The following ITGA9 variants were observed in gnomAD, a reference collection of about 807,000 sequenced individuals.
ITGA9 encodes integrin alpha-9.
A neutral mutation model predicts 127.8 loss-of-function variants in ITGA9; 56 were observed. The ratio of observed to expected loss-of-function variants is 0.44; its 90% CI spans 0.35 to 0.55. The LOEUF (loss-of-function observed/expected upper bound fraction) is 0.55. Ranked by LOEUF, ITGA9 falls within the 20% of genes least tolerant of loss-of-function variation. ITGA9 has a pLI of 0.00. For synonymous variants in ITGA9, 508 were observed against 514.5 expected (o/e 0.99, Z 0.17); for missense variants, 1,196 against 1,347.1 (o/e 0.89, Z 1.76).
intron 23 of ITGA9, among the ~76,000 whole-genome samples, chr3:37,767,067 T>C (rs1262642423): frequency 6.6e-6 from 1 of 152,214 alleles, no homozygotes; most frequent in Non-Finnish European, 1.5e-5. Context: ...CTCTTGACTT[T>C]CCAGCATGTT....
At chr3:37,700,327 C>T (rs17036802) in intron 18 of ITGA9, among the ~76,000 whole-genome samples, 25,417 of 151,724 alleles carry the variant, frequency 0.17, 2,551 homozygotes, top group African/African-American at 0.27. Context: ...GTCCTCCTAC[C>T]GGAATTAGGT....
At chr3:37,632,018 T>G (rs1051981711) in intron 16 of ITGA9, among the ~76,000 whole-genome samples, 19 of 152,134 alleles carry the variant, frequency 1.2e-4, no homozygotes, top group African/African-American at 4.6e-4. Context: ...CCCAAACACT[T>G]TCACAGATTT....
chr3:37,818,684 T>A, intron 27 of ITGA9: 1 of 611,170 alleles, frequency 1.6e-6, no homozygotes. Context: ...GCTTACGTAA[T>A]ATCACCCGCA....
chr3:37,630,278 C>T (rs940341655), intron 16 of ITGA9, among the ~76,000 whole-genome samples: 2 of 152,202 alleles, frequency 1.3e-5, no homozygotes, highest in Middle Eastern at 3.4e-3. Flanking sequence ...ACCAAGGCAT[C>T]GCATTATCTC....
In ITGA9 at chr3:37,544,915, G is replaced by T. The variant is rs1419705413; in HGVS notation, c.1689+2330G>T. ...ATAACCATGAGAATGTTTATTTCTG[G>T]CAGTTACTGTCTGGGCTGTAGCAGA... On this transcript the variant is annotated intron_variant, in intron 15 of 27. Coordinates refer to ENST00000264741, the MANE Select transcript of ITGA9 (RefSeq NM_002207.3). Among the ~76,000 whole-genome samples, 3 of 152,206 alleles carry T rather than the reference G, an allele frequency of 2.0e-5. No homozygotes were observed. In the East Asian group the frequency reaches 5.8e-4, roughly 29 times the overall value.
At chr3:37,615,093 G>T (rs1399703117) in intron 15 of ITGA9, among the ~76,000 whole-genome samples, 2 of 152,284 alleles carry the variant, frequency 1.3e-5, no homozygotes, top group East Asian at 1.9e-4. Flanking sequence ...TATGATATTG[G>T]CTGTGCGTTT....
chr3:37,523,483 C>A (rs775576957), intron 11 of ITGA9, 38 bp from the exon 12 acceptor site: 2 of 1,504,886 alleles, frequency 1.3e-6, no homozygotes. Flanking sequence ...TGACTGTGGT[C>A]TTTTCCTGTG....
chr3:37,621,439 G>C (rs553856242), intron 15 of ITGA9, among the ~76,000 whole-genome samples: 69 of 152,290 alleles, frequency 4.5e-4, no homozygotes, highest in African/African-American at 1.5e-3. Context: ...CTGGATGCCG[G>C]TACCTGGCCA....
chr3:37,556,852 T>G (rs1401307795), intron 15 of ITGA9, among the ~76,000 whole-genome samples: 1 of 152,176 alleles, frequency 6.6e-6, no homozygotes, highest in Admixed American at 6.5e-5. Context: ...ATCAACAACG[T>G]GGGGCCAGGC....
intron 18 of ITGA9, among the ~76,000 whole-genome samples, chr3:37,694,960 G>A (rs529846623): frequency 2.0e-5 from 3 of 152,320 alleles, no homozygotes; most frequent in East Asian, 1.9e-4. Flanking sequence ...ATGTGTTTCC[G>A]GGGGAAGACA....
intron 19 of ITGA9, among the ~76,000 whole-genome samples, chr3:37,735,412 A>G (rs1275295317): frequency 3.3e-5 from 5 of 152,150 alleles, no homozygotes; most frequent in African/African-American, 1.2e-4. Context: ...ACTGTAGATG[A>G]TGGTCCATTG....
Position 37,743,995 on chromosome 3 carries a change from C to G in ITGA9, c.2394C>G (p.Asp798Glu), listed in dbSNP as rs1382773149. 1 of 1,613,840 alleles carries G rather than the reference C, an allele frequency of 6.2e-7. No individual in the cohort carries two copies. Among genetic ancestry groups the G allele is most frequent in the African/African-American group, 1.3e-5 (1 of 74,900 alleles). Residue 798 changes from aspartate to glutamate, a missense_variant, in exon 22 of 28, where the codon GAC (aspartate) becomes GAG (glutamate). Coordinates refer to ENST00000264741, the MANE Select transcript of ITGA9 (RefSeq NM_002207.3). The part of the protein sequence containing the change: ...VDAANFIQLD[D>E]LECHFQPINI... ...CAGCCAACTTCATTCAGCTGGATGA[C>G]CTGGAGTGTCACTTTCAGCCCATCA...
At chr3:37,534,610 A>G (rs189371073) in intron 14 of ITGA9, among the ~76,000 whole-genome samples, 10 of 152,370 alleles carry the variant, frequency 6.6e-5, no homozygotes, top group Admixed American at 5.9e-4. Flanking sequence ...CTCATTGGCA[A>G]TTTCTCTTGA....
intron 1 of ITGA9, among the ~76,000 whole-genome samples, chr3:37,457,841 T>A (rs1698277562): frequency 6.6e-6 from 1 of 152,166 alleles, no homozygotes; most frequent in African/African-American, 2.4e-5. Context: ...TCTTGCCCAG[T>A]GGAGAACCTT....
At chr3:37,735,709 A>G (rs1696352592) in intron 19 of ITGA9, among the ~76,000 whole-genome samples, 1 of 152,186 alleles carries the variant, frequency 6.6e-6, no homozygotes, top group South Asian at 2.1e-4. Flanking sequence ...CATGCCTGAC[A>G]TGTATATGGT....
chr3:37,687,612 C>T (rs957713015), intron 18 of ITGA9, among the ~76,000 whole-genome samples: 1 of 152,148 alleles, frequency 6.6e-6, no homozygotes, highest in Non-Finnish European at 1.5e-5. Context: ...ATACTATTAA[C>T]ACTTAGCAGA....
chr3:37,729,172 A>G (rs560827871), intron 18 of ITGA9, among the ~76,000 whole-genome samples: 2 of 152,148 alleles, frequency 1.3e-5, no homozygotes, highest in Non-Finnish European at 2.9e-5. Flanking sequence ...ATGCTCTGAT[A>G]CACCTCTGGG....
intron 27 of ITGA9, among the ~76,000 whole-genome samples, chr3:37,812,146 T>A (rs1231016228): frequency 6.6e-6 from 1 of 152,178 alleles, no homozygotes; most frequent in Non-Finnish European, 1.5e-5. Flanking sequence ...CCCTTCACAC[T>A]GCCTCAATTA....
At chr3:37,531,619 A>T (rs1699153054) in intron 13 of ITGA9, among the ~76,000 whole-genome samples, 1 of 152,074 alleles carries the variant, frequency 6.6e-6, no homozygotes, top group Non-Finnish European at 1.5e-5. Flanking sequence ...CTTCTGTACC[A>T]TGACCAGGCG....
Sources: allele counts gnomAD v4.1 joint callset (sites outside exome capture counted in the v4.1 genomes callset), GRCh38; gene constraint gnomAD v4.1.1; transcripts MANE v1.5; gene names NCBI Gene and HGNC (gene_info 2026-07-23, HGNC 2026-07-21).